IRAK2: variants seen among roughly 807,000 people sequenced by gnomAD.
IRAK2 encodes interleukin-1 receptor-associated kinase-like 2.
Under a neutral mutation model 72.0 loss-of-function variants are expected in IRAK2, and 57 were observed. The observed-to-expected ratio is 0.79, with a 90% CI of 0.64 to 0.99. IRAK2 has a LOEUF of 0.99. Ranked by LOEUF, IRAK2 falls within the 50% of genes least tolerant of loss-of-function variation. IRAK2 has a pLI of 0.00. For synonymous variants in IRAK2, 293 were observed against 312.7 expected (o/e 0.94, Z 0.67); for missense variants, 790 against 794.4 (o/e 0.99, Z 0.07).
intron 3 of IRAK2, among the ~76,000 whole-genome samples, chr3:10,207,886 G>A (rs977255922): frequency 1.3e-5 from 2 of 151,466 alleles, no homozygotes; most frequent in South Asian, 2.1e-4. Context: ...CAGCTACTTC[G>A]TAGGCTGAGG....
At chr3:10,201,605 A>G (rs1410337636) in intron 3 of IRAK2, among the ~76,000 whole-genome samples, 1 of 152,260 alleles carries the variant, frequency 6.6e-6, no homozygotes, top group African/African-American at 2.4e-5. Context: ...GGACCACTTC[A>G]GATTTGTCTC....
intron 2 of IRAK2, among the ~76,000 whole-genome samples, chr3:10,194,617 C>T (rs1326546399): frequency 6.6e-6 from 1 of 152,150 alleles, no homozygotes; most frequent in African/African-American, 2.4e-5. Context: ...GGCGTTGCGT[C>T]TTTCTAGCTA....
At chr3:10,173,505 C>T (rs1696827614) in intron 1 of IRAK2, among the ~76,000 whole-genome samples, 1 of 152,178 alleles carries the variant, frequency 6.6e-6, no homozygotes, top group South Asian at 2.1e-4. Context: ...CCCTCAAGAT[C>T]TCTATCATGT....
intron 10 of IRAK2, among the ~76,000 whole-genome samples, chr3:10,228,547 T>C (rs2125162628): frequency 6.6e-6 from 1 of 152,350 alleles, no homozygotes; most frequent in East Asian, 1.9e-4. Context: ...TTTGAGGCAC[T>C]GACAGGAAGT....
At chr3:10,207,477 C>T (rs942570393) in intron 3 of IRAK2, among the ~76,000 whole-genome samples, 1 of 152,098 alleles carries the variant, frequency 6.6e-6, no homozygotes, top group African/African-American at 2.4e-5. Context: ...TTGGCCAAGG[C>T]CTGCTTCTGT....
rs1365745444 is a variant in IRAK2 at position 10,200,471 on chromosome 3, A to G, written c.380A>G (p.Gln127Arg). 1 of 1,605,112 alleles carries G rather than the reference A, an allele frequency of 6.2e-7. No individual in the cohort carries two copies. Among genetic ancestry groups the G allele is most frequent in the Admixed American group, 1.7e-5 (1 of 59,694 alleles). ...AASVRKAEDE[Q>R]EEGQPVRMAT... ...TCTGTAAGAAAGGCTGAGGATGAAC[A>G]GGAAGAGGGGCAGCCTGTGAGGATG... The change falls in exon 3 of 13, where the codon CAG becomes CGG. Residue 127 changes from glutamine to arginine, a missense_variant. By Grantham distance (43) the Gln-to-Arg change is conservative. Transcript: ENST00000256458.
At chr3:10,165,318 T>C (rs1575945668) in intron 1 of IRAK2, among the ~76,000 whole-genome samples, 1 of 152,232 alleles carries the variant, frequency 6.6e-6, no homozygotes, top group East Asian at 1.9e-4. Context: ...GGCCCTCCTG[T>C]CAGCGCTGCT....
intron 12 of IRAK2, among the ~76,000 whole-genome samples, chr3:10,240,558 C>CCCCCCCCCTTT (rs1274154130): frequency 5.5e-5 from 1 of 18,066 alleles, no homozygotes; most frequent in Non-Finnish European, 8.2e-5. Context: ...CCCCCCCCGC[C>CCCCCCCCCTTT]TTTTTTTTTT....
intron 3 of IRAK2, among the ~76,000 whole-genome samples, chr3:10,208,300 G>A (rs7373858): frequency 0.34 from 51,847 of 151,678 alleles, 9,239 homozygotes; most frequent in Admixed American, 0.41. Context: ...ATGAGTTAAC[G>A]CACGGGAAGG....
In IRAK2 at chr3:10,177,936, G is replaced by A. The variant is rs1252567542; in HGVS notation, c.193G>A (p.Gly65Ser). The change falls in exon 2 of 13, where the codon GGC becomes AGC. Residue 65 changes from glycine to serine, a missense_variant. By Grantham distance (56) the Gly-to-Ser change is moderately conservative. Transcript: ENST00000256458. ...CACGCGGGAGCTGCTGTGGTGGTGG[G>A]GCATGCGGCAGGCCACCGTCCAGCA... ...SITRELLWWW[G>S]MRQATVQQLV... is the part of the protein sequence containing the mutation. 6.8e-6 allele frequency: 11 copies of A among 1,613,840 alleles called. No individual in the cohort carries two copies. Among genetic ancestry groups the A allele is most frequent in the Non-Finnish European group, 9.3e-6 (11 of 1,180,022 alleles).
intron 9 of IRAK2, among the ~76,000 whole-genome samples, chr3:10,225,844 A>G (rs567238463): frequency 0.017 from 2,649 of 151,778 alleles, 36 homozygotes; most frequent in Non-Finnish European, 0.028. Context: ...GACTACAGGC[A>G]CCCGCCACCG....
At chr3:10,227,545 CATT>C (rs1697799114) in intron 10 of IRAK2, among the ~76,000 whole-genome samples, 1 of 152,114 alleles carries the variant, frequency 6.6e-6, no homozygotes, top group Non-Finnish European at 1.5e-5. Flanking sequence ...ATGATAGAGT[CATT>C]ATATTCATCT....
chr3:10,238,141 A>T (rs544219553), intron 11 of IRAK2, among the ~76,000 whole-genome samples: 1 of 152,206 alleles, frequency 6.6e-6, no homozygotes, highest in East Asian at 1.9e-4. Flanking sequence ...GGGAGGGGGA[A>T]GAATATGAAT....
intron 10 of IRAK2, among the ~76,000 whole-genome samples, chr3:10,229,387 T>G (rs1697826323): frequency 6.6e-6 from 1 of 152,204 alleles, no homozygotes; most frequent in Admixed American, 6.5e-5. Flanking sequence ...ATTGTGAGGA[T>G]TACAGGTGTG....
At chr3:10,206,402 C>T (rs1697434144) in intron 3 of IRAK2, among the ~76,000 whole-genome samples, 1 of 152,220 alleles carries the variant, frequency 6.6e-6, no homozygotes, top group Admixed American at 6.5e-5. Context: ...GCTAGATTCA[C>T]ACAGCAGCAG....
chr3:10,180,902 C>T (rs1183916255), intron 2 of IRAK2, among the ~76,000 whole-genome samples: 1 of 151,968 alleles, frequency 6.6e-6, no homozygotes, highest in Non-Finnish European at 1.5e-5. Context: ...CATCTCCTCC[C>T]TTCAGCTGGC....
rs1232044486 is a variant in IRAK2, at chr3:10,242,263, T to C, written c.*35T>C. ...CACAGCTGAGGACCCTTGTCCTCAGTTGGAAAGATGAGCATCAGATCAAGA... is the reference window on the plus strand; with the variant it reads ...CACAGCTGAGGACCCTTGTCCTCAGCTGGAAAGATGAGCATCAGATCAAGA... On this transcript the variant is annotated 3_prime_UTR_variant, in exon 13 of 13. Transcript: ENST00000256458. The C allele has an allele frequency of 8.1e-6, 10 of 1,241,906 alleles. No homozygotes were observed. Among genetic ancestry groups the C allele is most frequent in the African/African-American group, 1.5e-5 (1 of 66,200 alleles). 76.9% of individuals were successfully genotyped at this position (1,241,906 alleles called of 1,614,324 possible). A position where few individuals can be genotyped will look rare whatever the true frequency, so the allele number is the denominator to read the frequency against.
chr3:10,180,197 C>T (rs541486757), intron 2 of IRAK2, among the ~76,000 whole-genome samples: 1 of 152,174 alleles, frequency 6.6e-6, no homozygotes, highest in East Asian at 2.0e-4. Flanking sequence ...ACCCCCACCC[C>T]TCCTCACATC....
chr3:10,167,564 G>A (rs960095682), intron 1 of IRAK2, among the ~76,000 whole-genome samples: 23 of 151,978 alleles, frequency 1.5e-4, no homozygotes, highest in African/African-American at 4.1e-4. Context: ...ACAGGTGCCT[G>A]CCACCATGCC....
Sources: allele counts gnomAD v4.1 joint callset (sites outside exome capture counted in the v4.1 genomes callset), GRCh38; gene constraint gnomAD v4.1.1; transcripts MANE v1.5; gene names NCBI Gene and HGNC (gene_info 2026-07-23, HGNC 2026-07-21).